Variants in SCAP observed in about 807,000 individuals in gnomAD.
SCAP encodes sterol regulatory element-binding protein cleavage-activating protein.
A neutral mutation model predicts 123.6 loss-of-function variants in SCAP; 65 were observed. The observed-to-expected ratio is 0.53, with a 90% CI of 0.43 to 0.65. The LOEUF (loss-of-function observed/expected upper bound fraction) is 0.65. SCAP is among the 30% of genes least tolerant of loss of function. The probability of loss-of-function intolerance (pLI) is 0.00; values close to 1 mark genes in which losing one functional copy is unlikely to be tolerated. For synonymous variants in SCAP, 740 were observed against 726.3 expected (o/e 1.02, Z -0.30); for missense variants, 1,398 against 1,712.5 (o/e 0.82, Z 3.24).
chr3:47,456,592 C>G (rs1217350306), intron 1 of SCAP, among the ~76,000 whole-genome samples: 2 of 151,328 alleles, frequency 1.3e-5, no homozygotes, highest in African/African-American at 4.9e-5. Flanking sequence ...ATGGCAAAAC[C>G]CTGTCTCTAC....
At chr3:47,434,165 C>T (rs1407848381) in intron 3 of SCAP, among the ~76,000 whole-genome samples, 2 of 152,188 alleles carry the variant, frequency 1.3e-5, no homozygotes, top group Non-Finnish European at 2.9e-5. Context: ...TACCTGACTA[C>T]TACGTTAACC....
intron 1 of SCAP, among the ~76,000 whole-genome samples, chr3:47,463,247 C>T (rs1336760077): frequency 6.6e-6 from 1 of 152,180 alleles, no homozygotes; most frequent in Admixed American, 6.5e-5. Flanking sequence ...GTTTTACCTC[C>T]AAGTCAGATC....
intron 1 of SCAP, among the ~76,000 whole-genome samples, chr3:47,463,262 A>G (rs1371725734): frequency 6.6e-6 from 1 of 152,126 alleles, no homozygotes; most frequent in Non-Finnish European, 1.5e-5. Context: ...CAGATCCCCA[A>G]CCTGACCAAC....
chr3:47,422,048 G>A (rs1705925744), intron 10 of SCAP, among the ~76,000 whole-genome samples: 1 of 152,276 alleles, frequency 6.6e-6, no homozygotes, highest in Non-Finnish European at 1.5e-5. Context: ...GAAGGGTCTA[G>A]GAACCCCACG....
chr3:47,428,068 C>A (rs1461435067), intron 4 of SCAP, among the ~76,000 whole-genome samples: 2 of 152,176 alleles, frequency 1.3e-5, no homozygotes, highest in African/African-American at 4.8e-5. Context: ...ATGCAGCTTG[C>A]CAATTACACA....
rs1706573530 is a variant in SCAP at position 47,436,277 on chromosome 3, G to A, written c.123-1140C>T. Among the ~76,000 whole-genome samples, 4 of 152,150 alleles carry A rather than the reference G, an allele frequency of 2.6e-5. 1 individual carries two copies. The highest frequency in any genetic ancestry group is 2.6e-4 in the Admixed American group (4 of 15,264). The stretch of plus-strand genomic sequence containing the variant: ...AGGATGTGGTTTATACTAGGATCAT[G>A]AGGAAAGTTAAGTTAATGGACCCGA... On this transcript the variant is annotated intron_variant, in intron 2 of 22. Coordinates refer to ENST00000265565, the MANE Select transcript of SCAP (RefSeq NM_012235.4).
Position 47,415,157 on chromosome 3 carries a change from C to T in SCAP, c.3080G>A (p.Gly1027Asp), listed in dbSNP as rs960184981. 6.2e-7 allele frequency: 1 copy of T among 1,612,216 alleles called. No individual in the cohort carries two copies. Among genetic ancestry groups the T allele is most frequent in the Non-Finnish European group, 8.5e-7 (1 of 1,179,552 alleles). ...DKRIVAARLNGSLDFFSLETH... is the reference protein window; with the variant it reads ...DKRIVAARLNDSLDFFSLETH... ...CTCCAAGGAGAAGAAATCAAGGGAA[C>T]CGTTGAGCCGTGCAGCCACAATCCT... is the stretch of plus-strand genomic sequence containing the variant. The change falls in exon 19 of 23, where the codon GGT (glycine) becomes GAT (aspartate). Residue 1027 changes from glycine to aspartate, a missense_variant. Physicochemically the swap from Gly to Asp is moderately conservative, Grantham distance 94. Transcript: ENST00000265565.
At chr3:47,428,425 C>G in intron 4 of SCAP, 88 bp downstream of exon 4, 1 of 1,351,864 alleles carries the variant, frequency 7.4e-7, no homozygotes, top group Non-Finnish European at 1.0e-6. Context: ...GCAGAGCTGA[C>G]TGGCTCACTG....
At chr3:47,443,456 T>C (rs1036088552) in intron 1 of SCAP, among the ~76,000 whole-genome samples, 3 of 151,382 alleles carry the variant, frequency 2.0e-5, no homozygotes, top group African/African-American at 7.3e-5. Flanking sequence ...CAGGCATTCT[T>C]CCCCCCCCTC....
chr3:47,441,242 G>A (rs1351972158), intron 2 of SCAP, among the ~76,000 whole-genome samples: 1 of 152,062 alleles, frequency 6.6e-6, no homozygotes, highest in Non-Finnish European at 1.5e-5. Context: ...CTACAAAAGA[G>A]GAAACCATAG....
rs775112572 is a variant in SCAP, at chr3:47,418,075, G to T, written c.2447+59C>A. The T allele has an allele frequency of 8.1e-5, 37 of 456,450 alleles. No individual in the cohort carries two copies. The Admixed American group carries it at 1.9e-3, about 24-fold the overall frequency. 28.3% of individuals were successfully genotyped at this position (456,450 alleles called of 1,614,324 possible). A position where few individuals can be genotyped will look rare whatever the true frequency, so the allele number is the denominator to read the frequency against. ...GAAAGGAGGGGAGATACGTGGCGGC[G>T]GGGGGTGGGGTGAGGGGGGTTGTGG... is the stretch of plus-strand genomic sequence containing the variant. On this transcript the variant is annotated intron_variant, in intron 16 of 22. Coordinates refer to ENST00000265565, the MANE Select transcript of SCAP (RefSeq NM_012235.4).
chr3:47,470,723 T>C (rs1215162322), intron 1 of SCAP, among the ~76,000 whole-genome samples: 20 of 152,082 alleles, frequency 1.3e-4, no homozygotes, highest in Admixed American at 6.6e-4. Flanking sequence ...TAGCCAGGTG[T>C]GGTGGCAGGT....
intron 3 of SCAP, among the ~76,000 whole-genome samples, chr3:47,429,452 C>T (rs972241004): frequency 2.0e-5 from 3 of 152,236 alleles, no homozygotes; most frequent in Admixed American, 2.0e-4. Context: ...GATCCTCCCA[C>T]CTCAGCACCC....
chr3:47,443,244 A>G (rs1706877727), intron 1 of SCAP, 153 bp from the exon 2 acceptor site: 3 of 96,512 alleles, frequency 3.1e-5, no homozygotes, highest in Non-Finnish European at 6.3e-5. Context: ...ACACACACAC[A>G]CACACACACA....
intron 1 of SCAP, among the ~76,000 whole-genome samples, chr3:47,468,819 C>T (rs1707928016): frequency 6.6e-6 from 1 of 152,006 alleles, no homozygotes; most frequent in South Asian, 2.1e-4. Flanking sequence ...AATGGTATTG[C>T]CTAGGTTTTC....
chr3:47,465,841 C>A (rs376057382), intron 1 of SCAP, among the ~76,000 whole-genome samples: 51 of 146,340 alleles, frequency 3.5e-4, no homozygotes, highest in East Asian at 4.0e-4. Flanking sequence ...TTTAAAAAAA[C>A]AAAAAAAAAA....
chr3:47,417,579 C>G lies in SCAP; in HGVS notation c.2695G>C (p.Ala899Pro), dbSNP rs1408897305. The part of the protein sequence containing the change: ...QPTQPEPRHR[A>P]VCGRSRDSPG... ...GAGTCCCGAGAGCGGCCACAGACCG[C>G]CCGGTGCCGGGGCTCGGGCTGAGTG... Residue 899 changes from alanine (A) to proline (P), a missense_variant, in exon 17 of 23, where the codon GCG becomes CCG. Transcript: ENST00000265565. The G allele has an allele frequency of 6.3e-7, 1 of 1,592,268 alleles. No homozygotes were observed. The highest frequency in any genetic ancestry group is 8.5e-7 in the Non-Finnish European group (1 of 1,170,982).
intron 16 of SCAP, 36 bp downstream of exon 16, chr3:47,418,098 T>TGGGGGCACAAAGGAGGAAAGGGC (rs1705711740): frequency 5.3e-6 from 7 of 1,318,404 alleles, no homozygotes; most frequent in Non-Finnish European, 6.9e-6. Context: ...AGGGGGGTTG[T>TGGGGGCACAAAGGAGGAAAGGGC]GGGGGCACAA....
Position 47,420,967 on chromosome 3 carries a change from G to A in SCAP, c.1308C>T (p.Phe436=). 1 of 1,613,998 alleles carries A rather than the reference G, an allele frequency of 6.2e-7. No individual in the cohort carries two copies. The highest frequency in any genetic ancestry group is 1.1e-5 in the South Asian group (1 of 91,086). Residue 436 remains phenylalanine, a synonymous_variant, in exon 11 of 23, where the codon TTC becomes TTT. Coordinates refer to ENST00000265565, the MANE Select transcript of SCAP (RefSeq NM_012235.4). This position sits in a 1 kb window ranked among gnomAD's most constrained non-coding sequence, Gnocchi z 5.0. ...VSDFFLQMLF[F]TTVLSIDIRR... ...GAATGTCAATGGACAGGACAGTGGTGAAAAACAGCATCTGAAGGAAGAAGT... is the reference window on the plus strand; with the variant it reads ...GAATGTCAATGGACAGGACAGTGGTAAAAAACAGCATCTGAAGGAAGAAGT...
Sources: gnomAD v4.1 joint callset for allele counts (sites outside exome capture counted in the v4.1 genomes callset) on GRCh38, gnomAD v4.1.1 for gene constraint, Gnocchi (gnomAD v3.1) non-coding constraint, MANE v1.5 for transcripts, NCBI Gene and HGNC (gene_info 2026-07-23, HGNC 2026-07-21) for gene names.